Variants in CHIC2 observed in about 807,000 individuals in gnomAD.
The protein encoded by CHIC2 is cysteine-rich hydrophobic domain-containing protein 2.
A neutral mutation model predicts 25.9 loss-of-function variants in CHIC2; 14 were observed. The ratio of observed to expected loss-of-function variants is 0.54; its 90% CI spans 0.36 to 0.85. The LOEUF is 0.85. CHIC2 is among the 40% of genes least tolerant of loss of function. The pLI is 0.01. For missense variants in CHIC2, 146 were observed against 202.0 expected, an observed-to-expected ratio of 0.72 and a Z score of 1.68; for synonymous variants, 70 against 72.0, an observed-to-expected ratio of 0.97 and a Z score of 0.14.
chr4:54,078,508 T>C, the CHIC2 span, among the ~76,000 whole-genome samples: 14 of 152,144 alleles, frequency 9.2e-5, no homozygotes, highest in Non-Finnish European at 4.4e-5. Context: ...AGATCTCTCA[T>C]GATTTATTTA....
At chr4:54,010,173 A>C in intron 5 of CHIC2, 28 bp from the exon 6 acceptor site, 1 of 1,531,262 alleles carries the variant, frequency 6.5e-7, no homozygotes, top group Non-Finnish European at 8.9e-7. Flanking sequence ...AAAGGTTTTA[A>C]AAGATTTAAA....
chr4:54,028,581 T>C (rs1716128621), intron 3 of CHIC2, among the ~76,000 whole-genome samples: 1 of 152,248 alleles, frequency 6.6e-6, no homozygotes. Context: ...CCATGATATT[T>C]TCCACATAGG....
the CHIC2 span, among the ~76,000 whole-genome samples, chr4:54,084,025 C>G: frequency 1.2e-4 from 18 of 152,094 alleles, no homozygotes; most frequent in African/African-American, 4.1e-4. Flanking sequence ...TGAGCATCTC[C>G]TAGAAATAGT....
intron 3 of CHIC2, among the ~76,000 whole-genome samples, chr4:54,035,294 A>C (rs1001876876): frequency 6.6e-6 from 1 of 152,180 alleles, no homozygotes; most frequent in Non-Finnish European, 1.5e-5. Context: ...ATTTTCTAGA[A>C]GAGTTTGTGT....
upstream of CHIC2, chr4:54,065,416 C>T (rs1359752961): frequency 3.1e-6 from 2 of 637,630 alleles, no homozygotes; most frequent in African/African-American, 4.0e-5. Context: ...CTTTTCTTAC[C>T]AGTTCCTACC....
intron 3 of CHIC2, among the ~76,000 whole-genome samples, chr4:54,037,870 A>C (rs973461162): frequency 1.3e-5 from 2 of 152,156 alleles, no homozygotes; most frequent in African/African-American, 4.8e-5. Context: ...ACTATATAAA[A>C]ATGTGTAGGA....
chr4:54,032,018 T>C (rs1156716780), intron 3 of CHIC2, among the ~76,000 whole-genome samples: 1 of 152,136 alleles, frequency 6.6e-6, no homozygotes, highest in African/African-American at 2.4e-5. Context: ...AGCACCAAAA[T>C]GCAAGTTCTA....
chr4:54,009,872 C>T lies in CHIC2; in HGVS notation c.*223G>A, dbSNP rs1715523877. The T allele has an allele frequency of 8.1e-6, 3 of 368,246 alleles. No individual in the cohort carries two copies. In the Admixed American group the frequency reaches 1.4e-4, roughly 17 times the overall value. The allele number at this position is 368,246 out of a possible 1,614,324, so 22.8% of individuals were successfully genotyped here. ...TCAGAATACATAACAGAAAAGAGCACAATAACTTAAGTATTAAACATCTGT... is the reference window on the plus strand; with the variant it reads ...TCAGAATACATAACAGAAAAGAGCATAATAACTTAAGTATTAAACATCTGT... On this transcript the variant is annotated 3_prime_UTR_variant, in exon 6 of 6. Transcript: ENST00000263921.
chr4:54,053,978 A>G (rs1052967331), intron 1 of CHIC2, among the ~76,000 whole-genome samples: 1 of 152,050 alleles, frequency 6.6e-6, no homozygotes, highest in Non-Finnish European at 1.5e-5. Context: ...TTTAGTAGAG[A>G]CGGGGTTTCA....
intron 5 of CHIC2, 64 bp downstream of exon 5, chr4:54,013,773 A>C: frequency 6.6e-7 from 1 of 1,507,884 alleles, no homozygotes; most frequent in African/African-American, 1.4e-5. Flanking sequence ...TGGAAAGAAT[A>C]AGATCAGAAG....
At chr4:54,011,522 T>C (rs1044332796) in intron 5 of CHIC2, among the ~76,000 whole-genome samples, 2 of 152,146 alleles carry the variant, frequency 1.3e-5, no homozygotes, top group African/African-American at 4.8e-5. Context: ...GACAATTAAA[T>C]GTTTAAACTA....
rs1216783740 is a variant in CHIC2 at position 54,009,956 on chromosome 4, AAAAAAAAACAAAAAC to A, written c.*124_*138del. On this transcript the variant is annotated 3_prime_UTR_variant, in exon 6 of 6. Coordinates refer to ENST00000263921, the MANE Select transcript of CHIC2 (RefSeq NM_012110.4). ...CACACTTAGAACATGCGGTTATTTA[AAAAAAAAACAAAAAC>A]AAAAACAAAAAAAACACCACACGAT... 4.1e-6 allele frequency: 2 copies of A among 491,700 alleles called. No individual in the cohort carries two copies. The highest frequency in any genetic ancestry group is 4.2e-5 in the African/African-American group (2 of 47,400). The allele number at this position is 491,700 out of a possible 1,614,324, so 30.5% of individuals were successfully genotyped here.
the CHIC2 span, among the ~76,000 whole-genome samples, chr4:54,071,741 G>A: frequency 2.8e-3 from 424 of 148,994 alleles, 7 homozygotes; most frequent in South Asian, 0.045. Context: ...TTGGGAGGCC[G>A]AGGCAGGCAG....
chr4:54,031,179 A>G (rs1716217709), intron 3 of CHIC2, among the ~76,000 whole-genome samples: 1 of 58,426 alleles, frequency 1.7e-5, no homozygotes, highest in Non-Finnish European at 3.8e-5. Flanking sequence ...AAAGGAAAGG[A>G]AAAAAAAAAA....
intron 1 of CHIC2, among the ~76,000 whole-genome samples, chr4:54,063,231 A>G (rs901654703): frequency 5.3e-5 from 8 of 152,246 alleles, no homozygotes; most frequent in African/African-American, 1.9e-4. Flanking sequence ...AAAGGTGAAG[A>G]AGTACAGAGA....
At chr4:54,089,660 C>T in the CHIC2 span, among the ~76,000 whole-genome samples, 1 of 152,226 alleles carries the variant, frequency 6.6e-6, no homozygotes, top group African/African-American at 2.4e-5. Flanking sequence ...TCCATTTTAA[C>T]AGGACTAAAA....
chr4:54,034,175 T>C (rs555061342), intron 3 of CHIC2, among the ~76,000 whole-genome samples: 1 of 152,118 alleles, frequency 6.6e-6, no homozygotes, highest in South Asian at 2.1e-4. Context: ...GAGGCTGAGG[T>C]GGACAGATCA....
intron 3 of CHIC2, among the ~76,000 whole-genome samples, chr4:54,033,052 T>C (rs930897897): frequency 6.6e-6 from 1 of 152,166 alleles, no homozygotes; most frequent in African/African-American, 2.4e-5. Flanking sequence ...GCCTGCTCCT[T>C]TTCATCGTCC....
chr4:54,079,969 A>G, the CHIC2 span, among the ~76,000 whole-genome samples: 6 of 152,044 alleles, frequency 3.9e-5, no homozygotes, highest in East Asian at 1.9e-4. Flanking sequence ...TAGAACTCCT[A>G]TATGATCCAG....
Sources: allele counts gnomAD v4.1 joint callset (sites outside exome capture counted in the v4.1 genomes callset), GRCh38; gene constraint gnomAD v4.1.1; transcripts MANE v1.5; gene names NCBI Gene and HGNC (gene_info 2026-07-23, HGNC 2026-07-21).